The following DCC variants were observed in gnomAD, a reference collection of about 807,000 sequenced individuals.
The protein encoded by DCC is DCC netrin 1 receptor.
In DCC, 58 loss-of-function variants were observed where a neutral mutation model predicts 172.5. That is an observed-to-expected ratio of 0.34 (90% CI 0.27 to 0.42). The LOEUF is 0.42. DCC is among the 10% of genes least tolerant of loss of function. The pLI is 1.00. For synonymous variants in DCC, 709 were observed against 644.5 expected (o/e 1.10, Z -1.52); for missense variants, 1,740 against 1,791.0 (o/e 0.97, Z 0.51).
At chr18:53,396,248 C>T (rs888657535) in intron 17 of DCC, among the ~76,000 whole-genome samples, 4 of 151,988 alleles carry the variant, frequency 2.6e-5, no homozygotes, top group Non-Finnish European at 5.9e-5. Flanking sequence ...TATTTAACTT[C>T]GAAGAACGAT....
At chr18:53,116,112 C>T (rs1366724602) in intron 7 of DCC, among the ~76,000 whole-genome samples, 1 of 151,574 alleles carries the variant, frequency 6.6e-6, no homozygotes, top group Non-Finnish European at 1.5e-5. Context: ...AAAATGGAGC[C>T]AGATTTGCAA....
chr18:52,722,612 G>C (rs1351476666), intron 1 of DCC, among the ~76,000 whole-genome samples: 1 of 152,184 alleles, frequency 6.6e-6, no homozygotes, highest in Non-Finnish European at 1.5e-5. Flanking sequence ...TGGTGCAAAA[G>C]TAATGGCGGT....
At chr18:52,353,646 A>C (rs914042774) in intron 1 of DCC, among the ~76,000 whole-genome samples, 4 of 152,200 alleles carry the variant, frequency 2.6e-5, no homozygotes, top group Admixed American at 2.6e-4. Context: ...TACAGGCAGA[A>C]AGCTCAGTGC....
intron 19 of DCC, among the ~76,000 whole-genome samples, chr18:53,407,803 G>T (rs1909762206): frequency 6.6e-6 from 1 of 151,880 alleles, no homozygotes; most frequent in Non-Finnish European, 1.5e-5. Flanking sequence ...ATTGGAGACT[G>T]CTCTGGTTCA....
At chr18:53,425,013 G>C (rs1910828353) in intron 21 of DCC, among the ~76,000 whole-genome samples, 1 of 152,010 alleles carries the variant, frequency 6.6e-6, no homozygotes. Context: ...TGCTTGGAGG[G>C]GTGTGACTGT....
chr18:52,462,669 C>T (rs1988668223), intron 1 of DCC, among the ~76,000 whole-genome samples: 1 of 152,124 alleles, frequency 6.6e-6, no homozygotes, highest in African/African-American at 2.4e-5. Context: ...GACTCACTAC[C>T]ATGTCATACA....
At chr18:53,479,217 T>C (rs1380897069) in intron 25 of DCC, among the ~76,000 whole-genome samples, 1 of 152,252 alleles carries the variant, frequency 6.6e-6, no homozygotes, top group African/African-American at 2.4e-5. Context: ...AATACATGAT[T>C]TTAAATACTA....
chr18:52,532,779 G>C (rs1273770389), intron 1 of DCC, among the ~76,000 whole-genome samples: 1 of 152,028 alleles, frequency 6.6e-6, no homozygotes, highest in East Asian at 1.9e-4. Flanking sequence ...GAGATGAACT[G>C]TCATGGGTGG....
chr18:52,871,210 A>G (rs112662495), intron 2 of DCC, among the ~76,000 whole-genome samples: 2,349 of 152,268 alleles, frequency 0.015, 57 homozygotes, highest in African/African-American at 0.05. Flanking sequence ...CCTCAAAATC[A>G]TGCTTCAGGC....
intron 2 of DCC, among the ~76,000 whole-genome samples, chr18:52,794,336 A>G (rs545852397): frequency 6.6e-6 from 1 of 151,170 alleles, no homozygotes; most frequent in South Asian, 2.2e-4. Flanking sequence ...AATTTCTTTC[A>G]TCATTTTTTT....
At chr18:53,053,429 G>A (rs182866674) in intron 5 of DCC, among the ~76,000 whole-genome samples, 1 of 152,066 alleles carries the variant, frequency 6.6e-6, no homozygotes, top group East Asian at 1.9e-4. Flanking sequence ...TTTATGTGTC[G>A]ATGTATATAC....
intron 2 of DCC, among the ~76,000 whole-genome samples, chr18:52,771,501 C>A (rs1356724519): frequency 6.6e-6 from 1 of 152,134 alleles, no homozygotes; most frequent in Non-Finnish European, 1.5e-5. Flanking sequence ...GACAGATAAG[C>A]AGGAAACTTC....
At chr18:52,346,303 A>C (rs1983876511) in intron 1 of DCC, among the ~76,000 whole-genome samples, 1 of 152,230 alleles carries the variant, frequency 6.6e-6, no homozygotes, top group African/African-American at 2.4e-5. Context: ...TAAATGAAAC[A>C]CAATTTAGTA....
chr18:53,240,729 G>C (rs934361435), intron 12 of DCC, among the ~76,000 whole-genome samples: 5 of 152,246 alleles, frequency 3.3e-5, no homozygotes, highest in South Asian at 4.2e-4. Flanking sequence ...ACAGCACCTA[G>C]AAGAGGTTGT....
At chr18:53,295,383 A>T (rs1479975678) in intron 12 of DCC, among the ~76,000 whole-genome samples, 1 of 152,182 alleles carries the variant, frequency 6.6e-6, no homozygotes, top group African/African-American at 2.4e-5. Flanking sequence ...GGGTTGGTAA[A>T]ATAAGTTTAT....
intron 1 of DCC, among the ~76,000 whole-genome samples, chr18:52,724,800 GAGTAAA>G: frequency 6.6e-6 from 1 of 152,238 alleles, no homozygotes; most frequent in Middle Eastern, 3.4e-3. Context: ...CCAGCACAGT[GAGTAAA>G]CCTGGCTCCA....
intron 7 of DCC, among the ~76,000 whole-genome samples, chr18:53,156,212 T>C (rs966464680): frequency 2.0e-5 from 3 of 152,072 alleles, no homozygotes; most frequent in Admixed American, 6.5e-5. Context: ...GGGCCAGGCA[T>C]GGTGGCTCAT....
At chr18:53,178,589 T>G (rs922922679) in intron 8 of DCC, among the ~76,000 whole-genome samples, 1 of 152,228 alleles carries the variant, frequency 6.6e-6, no homozygotes, top group African/African-American at 2.4e-5. Flanking sequence ...ATTTCTGTCA[T>G]TAGCCGGATG....
At chr18:52,848,396 A>G (rs891075892) in intron 2 of DCC, among the ~76,000 whole-genome samples, 1 of 151,982 alleles carries the variant, frequency 6.6e-6, no homozygotes, top group African/African-American at 2.4e-5. Context: ...CGACTTTTCT[A>G]ATGTTTTTGA....
Sources: allele counts gnomAD v4.1 joint callset (sites outside exome capture counted in the v4.1 genomes callset), GRCh38; gene constraint gnomAD v4.1.1; transcripts MANE v1.5; gene names NCBI Gene and HGNC (gene_info 2026-07-23, HGNC 2026-07-21).